The following SYTL2 variants were observed in gnomAD, a reference collection of about 807,000 sequenced individuals.
SYTL2 encodes synaptotagmin like 2.
A neutral mutation model predicts 198.7 loss-of-function variants in SYTL2; 165 were observed. That is an observed-to-expected ratio of 0.83 (90% CI 0.73 to 0.94). The LOEUF is 0.94. Among genes scored for constraint, SYTL2 ranks in the 40% least tolerant of loss-of-function variants. SYTL2 has a pLI of 0.00. For synonymous variants in SYTL2, 966 were observed against 917.7 expected (o/e 1.05, Z -0.95); for missense variants, 2,835 against 2,582.8 (o/e 1.10, Z -2.12).
In SYTL2 at chr11:85,777,812, C is replaced by CTTTTTTTTTTT. The variant is rs57873368; in HGVS notation, c.-389-19709_-389-19699dup. 2.8e-4 allele frequency among the ~76,000 whole-genome samples: 18 copies of CTTTTTTTTTTT among 63,328 alleles called. 2 individuals are homozygous for CTTTTTTTTTTT. Among genetic ancestry groups the CTTTTTTTTTTT allele is most frequent in the Non-Finnish European group, 3.8e-4 (13 of 34,590 alleles). 41.5% of individuals were successfully genotyped at this position (63,328 alleles called of 152,430 possible). ...CTTACCAGAATTACAGGTCTTACTTCTTTTTTTTTTTTTTTTTTTTTTTTT... is the reference window on the plus strand; with the variant it reads ...CTTACCAGAATTACAGGTCTTACTTCTTTTTTTTTTTTTTTTTTTTTTTTTTTTTTTTTTTT... On this transcript the variant is annotated intron_variant, in intron 1 of 19. Coordinates refer to ENST00000359152, the MANE Select transcript of SYTL2 (RefSeq NM_206927.4).
intron 12 of SYTL2, among the ~76,000 whole-genome samples, chr11:85,713,013 C>T (rs2086589254): frequency 6.6e-6 from 1 of 152,152 alleles, no homozygotes; most frequent in African/African-American, 2.4e-5. Flanking sequence ...GCTACCATGC[C>T]CGGCCTCATA....
chr11:85,756,611 G>A (rs150444810), intron 2 of SYTL2, among the ~76,000 whole-genome samples: 4 of 152,204 alleles, frequency 2.6e-5, no homozygotes, highest in East Asian at 1.9e-4. Flanking sequence ...CCCACCAACC[G>A]CAAAAGAGTA....
At chr11:85,749,099 G>C (rs942471849) in intron 2 of SYTL2, among the ~76,000 whole-genome samples, 3 of 152,188 alleles carry the variant, frequency 2.0e-5, no homozygotes, top group Non-Finnish European at 4.4e-5. Context: ...TGCAGATCCT[G>C]CATTTAAGAG....
chr11:85,703,304 C>T (rs1263739626), intron 16 of SYTL2, among the ~76,000 whole-genome samples: 1 of 152,028 alleles, frequency 6.6e-6, no homozygotes, highest in Non-Finnish European at 1.5e-5. Context: ...AACCCCAAAC[C>T]TCAGGATAAA....
At chr11:85,705,834 T>G (rs2085049874) in intron 15 of SYTL2, among the ~76,000 whole-genome samples, 1 of 152,176 alleles carries the variant, frequency 6.6e-6, no homozygotes, top group African/African-American at 2.4e-5. Flanking sequence ...GACCCAGAAA[T>G]AGCCAGGGTA....
At chr11:85,715,913 C>A (rs1386299792) in intron 11 of SYTL2, among the ~76,000 whole-genome samples, 2 of 152,186 alleles carry the variant, frequency 1.3e-5, no homozygotes, top group East Asian at 1.9e-4. Context: ...ATACCCACTA[C>A]TCAAATGTAA....
intron 1 of SYTL2, among the ~76,000 whole-genome samples, chr11:85,762,972 A>G (rs1033784960): frequency 6.6e-6 from 1 of 152,142 alleles, no homozygotes; most frequent in Admixed American, 6.5e-5. Context: ...TGATGAACAC[A>G]GGTGGAAGGG....
In SYTL2 at chr11:85,726,485, T is replaced by C; in HGVS notation, c.2873A>G (p.Asn958Ser). Reference sequence around the variant, plus strand: ...TTCTTTTAGGGACATAACTTTAAAGTTGGCATTTGATTCACGAACTAGAGG... The same window carrying C: ...TTCTTTTAGGGACATAACTTTAAAGCTGGCATTTGATTCACGAACTAGAGG... ...DRPLVRESNA[N>S]FKVMSLKERM... The change falls in exon 8 of 20, where the codon AAC (asparagine) becomes AGC (serine). Residue 958 changes from asparagine to serine, a missense_variant. Physicochemically the swap from Asn to Ser is conservative, Grantham distance 46. Coordinates refer to ENST00000359152, the MANE Select transcript of SYTL2 (RefSeq NM_206927.4). 6.2e-7 allele frequency: 1 copy of C among 1,610,356 alleles called. No homozygotes were observed. Among genetic ancestry groups the C allele is most frequent in the Non-Finnish European group, 8.5e-7 (1 of 1,179,972 alleles).
At position 85,694,672 on chromosome 11, in the gene SYTL2, T is replaced by C. The variant is rs1021311456; in HGVS notation, c.*523A>G. Reference sequence around the variant, plus strand: ...CTCATTGCCCTAATATGGAATTCCATATTTTATTAGAGATTACAGAGTAAA... The same window carrying C: ...CTCATTGCCCTAATATGGAATTCCACATTTTATTAGAGATTACAGAGTAAA... On this transcript the variant is annotated 3_prime_UTR_variant, in exon 20 of 20. Coordinates refer to ENST00000359152, the MANE Select transcript of SYTL2 (RefSeq NM_206927.4). The C allele has an allele frequency of 2.0e-5, 3 of 151,976 alleles. No homozygotes were observed. Among genetic ancestry groups the C allele is most frequent in the African/African-American group, 7.3e-5 (3 of 41,362 alleles). The allele number at this position is 151,976 out of a possible 1,614,324, so 9.4% of individuals were successfully genotyped here.
rs557709961 is a variant in SYTL2, at chr11:85,734,336, C to T, written c.993G>A (p.Lys331=). The change falls in exon 7 of 20, where the codon AAG becomes AAA. Residue 331 remains lysine (K), a synonymous_variant. Coordinates refer to ENST00000359152, the MANE Select transcript of SYTL2 (RefSeq NM_206927.4). The stretch of plus-strand genomic sequence containing the variant: ...CCTTCACTGCAGAGAATCTCACATG[C>T]TTTAATGGCTCCAGGGAGTTTGGGG... The part of the protein sequence containing the change: ...NSSPNSLEPL[K]HVRFSAVKDE... 33 of 1,614,234 alleles carry T rather than the reference C, an allele frequency of 2.0e-5. No individual in the cohort carries two copies. The South Asian group carries it at 3.5e-4, about 17-fold the overall frequency.
At chr11:85,709,220 T>C (rs756412128) in intron 14 of SYTL2, 111 bp downstream of exon 14, 2 of 1,000,668 alleles carry the variant, frequency 2.0e-6, no homozygotes, top group Non-Finnish European at 3.0e-6. Context: ...TTTCAAACAT[T>C]CCTCTTAACA....
At chr11:85,786,755 T>C (rs1203175506) in intron 1 of SYTL2, among the ~76,000 whole-genome samples, 2 of 152,138 alleles carry the variant, frequency 1.3e-5, no homozygotes, top group African/African-American at 4.8e-5. Context: ...AATGCACCAA[T>C]TGTTTTTCAC....
At chr11:85,716,108 A>G (rs1324094047) in intron 11 of SYTL2, among the ~76,000 whole-genome samples, 1 of 152,204 alleles carries the variant, frequency 6.6e-6, no homozygotes, top group Non-Finnish European at 1.5e-5. Flanking sequence ...TGACCAATAA[A>G]CTAAGCCAAT....
chr11:85,776,998 G>A (rs1297534893), intron 1 of SYTL2, among the ~76,000 whole-genome samples: 1 of 152,186 alleles, frequency 6.6e-6, no homozygotes, highest in Non-Finnish European at 1.5e-5. Flanking sequence ...TGGACAGGGG[G>A]AAAGATTCAG....
rs1455242949 is a variant in SYTL2, at chr11:85,713,585, A to G, written c.5625+828T>C. Among the ~76,000 whole-genome samples, 4 of 152,178 alleles carry G rather than the reference A, an allele frequency of 2.6e-5. No individual in the cohort carries two copies. In the East Asian group the frequency reaches 7.7e-4, roughly 29 times the overall value. ...AATCTTAATTAAGTCAAAGGACCTG[A>G]GTTAAAGTCCTAGATCTACTCTTCA... On this transcript the variant is annotated intron_variant, in intron 12 of 19. Transcript: ENST00000359152.
intron 18 of SYTL2, among the ~76,000 whole-genome samples, chr11:85,697,332 G>A (rs552601077): frequency 3.3e-5 from 5 of 152,090 alleles, no homozygotes; most frequent in Non-Finnish European, 5.9e-5. Flanking sequence ...GAGACACCTC[G>A]CTGTACCAGA....
At chr11:85,836,031 G>T in the SYTL2 span, among the ~76,000 whole-genome samples, 1 of 152,168 alleles carries the variant, frequency 6.6e-6, no homozygotes, top group African/African-American at 2.4e-5. Context: ...TGTCTCCAGA[G>T]AACTTGTCTT....
the SYTL2 span, among the ~76,000 whole-genome samples, chr11:85,822,080 C>T: frequency 2.6e-5 from 4 of 152,194 alleles, no homozygotes; most frequent in African/African-American, 9.7e-5. Context: ...GAATCCTTAC[C>T]ACATCCCTGT....
the SYTL2 span, chr11:85,854,319 C>T: frequency 4.0e-5 from 6 of 149,182 alleles, no homozygotes; most frequent in African/African-American, 1.5e-4. Flanking sequence ...CGTTCAAAGC[C>T]AGTGTCAAGT....
Sources: gnomAD v4.1 joint callset for allele counts (sites outside exome capture counted in the v4.1 genomes callset) on GRCh38, gnomAD v4.1.1 for gene constraint, MANE v1.5 for transcripts, NCBI Gene and HGNC (gene_info 2026-07-23, HGNC 2026-07-21) for gene names.